The following PTPRD variants were observed in gnomAD, a reference collection of about 807,000 sequenced individuals.
PTPRD encodes protein tyrosine phosphatase receptor type D.
Under a neutral mutation model 214.5 loss-of-function variants are expected in PTPRD, and 34 were observed. The ratio of observed to expected loss-of-function variants is 0.16; its 90% CI spans 0.12 to 0.21. The LOEUF (loss-of-function observed/expected upper bound fraction) is 0.21. Ranked by LOEUF, PTPRD falls within the 10% of genes least tolerant of loss-of-function variation. The probability of loss-of-function intolerance (pLI) is 1.00; values close to 1 mark genes in which losing one functional copy is unlikely to be tolerated. For missense variants in PTPRD, 2,545 were observed against 2,398.7 expected, an observed-to-expected ratio of 1.06 and a Z score of -1.27; for synonymous variants, 1,128 against 845.7, an observed-to-expected ratio of 1.33 and a Z score of -5.79.
intron 3 of PTPRD, among the ~76,000 whole-genome samples, chr9:10,248,511 C>CAAAAAAAAAAAAA (rs869102479): frequency 1.7e-4 from 2 of 11,708 alleles, no homozygotes; most frequent in African/African-American, 2.2e-4. Context: ...GTACATATAG[C>CAAAAAAAAAAAAA]AAAAAAAAAA....
At chr9:9,502,307 T>C (rs541563339) in intron 8 of PTPRD, among the ~76,000 whole-genome samples, 5 of 152,006 alleles carry the variant, frequency 3.3e-5, no homozygotes. Context: ...ACCACCATTA[T>C]ACGCTCTGCT....
chr9:9,931,958 C>G (rs1451883148), intron 5 of PTPRD, among the ~76,000 whole-genome samples: 2 of 151,888 alleles, frequency 1.3e-5, no homozygotes, highest in Non-Finnish European at 2.9e-5. Context: ...CACCCCCCAG[C>G]AGGGGCACAC....
chr9:8,652,784 C>T (rs1054722655), intron 12 of PTPRD, among the ~76,000 whole-genome samples: 1 of 152,078 alleles, frequency 6.6e-6, no homozygotes, highest in African/African-American at 2.4e-5. Flanking sequence ...GAAGAAAATG[C>T]TTTCTTGTAT....
At chr9:9,228,413 G>A (rs1394002695) in intron 9 of PTPRD, among the ~76,000 whole-genome samples, 2 of 152,020 alleles carry the variant, frequency 1.3e-5, no homozygotes, top group Non-Finnish European at 2.9e-5. Flanking sequence ...ATGTGCATGT[G>A]TATTTGCAAA....
At chr9:8,839,859 A>G (rs2097524735) in intron 11 of PTPRD, among the ~76,000 whole-genome samples, 1 of 152,220 alleles carries the variant, frequency 6.6e-6, no homozygotes, top group Non-Finnish European at 1.5e-5. Flanking sequence ...TAAAAGCAGC[A>G]GTTATGATGA....
At chr9:10,156,562 G>C (rs2099094684) in intron 3 of PTPRD, among the ~76,000 whole-genome samples, 1 of 152,118 alleles carries the variant, frequency 6.6e-6, no homozygotes, top group South Asian at 2.1e-4. Context: ...TGATTGTTTG[G>C]TCTATTTTAG....
chr9:9,150,950 G>C (rs532565171), intron 10 of PTPRD, among the ~76,000 whole-genome samples: 2 of 152,192 alleles, frequency 1.3e-5, no homozygotes, highest in Non-Finnish European at 2.9e-5. Flanking sequence ...AGATTTTTGA[G>C]ATAGAAGTAC....
At position 9,182,671 on chromosome 9, in the gene PTPRD, T is replaced by C. The variant is rs554000935; in HGVS notation, c.-143+633A>G. Among the ~76,000 whole-genome samples, 16 of 152,102 alleles carry C rather than the reference T, an allele frequency of 1.1e-4. No homozygotes were observed. In the South Asian group the frequency reaches 2.9e-3, roughly 28 times the overall value. On this transcript the variant is annotated intron_variant, in intron 10 of 45. Coordinates refer to ENST00000381196, the MANE Select transcript of PTPRD (RefSeq NM_002839.4). ...TTTTAAACAAAAAGTATTATTATGG[T>C]AGATGAAATGTTTATATTAGAAAAG...
chr9:10,235,401 G>C (rs751757172), intron 3 of PTPRD, among the ~76,000 whole-genome samples: 3 of 151,870 alleles, frequency 2.0e-5, no homozygotes, highest in Admixed American at 6.6e-5. Flanking sequence ...CCCTCGTCGC[G>C]CATCAGAAAG....
intron 11 of PTPRD, among the ~76,000 whole-genome samples, chr9:8,972,200 T>TCC (rs2099242749): frequency 6.6e-6 from 1 of 152,012 alleles, no homozygotes; most frequent in Admixed American, 6.6e-5. Flanking sequence ...TCTCTCTTTC[T>TCC]CTTTCAGTAG....
intron 9 of PTPRD, among the ~76,000 whole-genome samples, chr9:9,193,644 A>C (rs979645167): frequency 6.6e-6 from 1 of 152,144 alleles, no homozygotes; most frequent in Non-Finnish European, 1.5e-5. Flanking sequence ...TTTGTATCTA[A>C]ACATATCTAA....
intron 2 of PTPRD, among the ~76,000 whole-genome samples, chr9:10,423,187 G>A (rs1378747698): frequency 2.0e-5 from 3 of 151,696 alleles, no homozygotes; most frequent in African/African-American, 7.3e-5. Flanking sequence ...CCATCATTCT[G>A]AGTAAACTAT....
intron 7 of PTPRD, among the ~76,000 whole-genome samples, chr9:9,655,642 G>GA (rs1323997386): frequency 1.3e-5 from 2 of 150,438 alleles, no homozygotes; most frequent in East Asian, 3.9e-4. Context: ...AACCAAACCG[G>GA]AAAAACACCT....
intron 9 of PTPRD, among the ~76,000 whole-genome samples, chr9:9,285,258 T>C (rs1242185509): frequency 2.0e-5 from 3 of 151,844 alleles, no homozygotes; most frequent in Non-Finnish European, 4.4e-5. Flanking sequence ...AAATAAGACA[T>C]ATTCACTTTT....
chr9:9,468,199 A>G (rs1322520129), intron 8 of PTPRD, among the ~76,000 whole-genome samples: 1 of 150,610 alleles, frequency 6.6e-6, no homozygotes. Flanking sequence ...CAGTTTTTTT[A>G]TCGGTTTTTA....
chr9:9,832,721 A>C (rs2055303758), intron 5 of PTPRD, among the ~76,000 whole-genome samples: 1 of 151,994 alleles, frequency 6.6e-6, no homozygotes, highest in Non-Finnish European at 1.5e-5. Flanking sequence ...CTATCAGTGG[A>C]ACATAACCTC....
chr9:9,672,720 G>A (rs1364900541), intron 7 of PTPRD, among the ~76,000 whole-genome samples: 1 of 151,890 alleles, frequency 6.6e-6, no homozygotes, highest in African/African-American at 2.4e-5. Context: ...TATCCACCCA[G>A]TTTCACTACT....
chr9:9,864,407 G>C (rs1047780495), intron 5 of PTPRD, among the ~76,000 whole-genome samples: 3 of 152,110 alleles, frequency 2.0e-5, no homozygotes, highest in African/African-American at 7.2e-5. Flanking sequence ...TAGAACTGAA[G>C]GAAATACATG....
Position 9,886,910 on chromosome 9 carries a change from G to A in PTPRD, c.-368+51597C>T, listed in dbSNP as rs139251776. Among the ~76,000 whole-genome samples the A allele has an allele frequency of 1.8e-4, 27 of 152,166 alleles. No individual in the cohort carries two copies. The East Asian group carries it at 5.0e-3, about 28-fold the overall frequency. On this transcript the variant is annotated intron_variant, in intron 5 of 45. Coordinates refer to ENST00000381196, the MANE Select transcript of PTPRD (RefSeq NM_002839.4). ...AGAAGGTCTGTCCCAGATGGAGCAG[G>A]CCAGATGGAGCACCCAGATGCTCCA... is the stretch of plus-strand genomic sequence containing the variant.
Sources: allele counts gnomAD v4.1 joint callset (sites outside exome capture counted in the v4.1 genomes callset), GRCh38; gene constraint gnomAD v4.1.1; transcripts MANE v1.5; gene names NCBI Gene and HGNC (gene_info 2026-07-23, HGNC 2026-07-21).